PI4K2B: variants seen among roughly 807,000 people sequenced by gnomAD.
The protein encoded by PI4K2B is phosphatidylinositol 4-kinase type 2-beta.
Under a neutral mutation model 56.6 loss-of-function variants are expected in PI4K2B, and 46 were observed. That is an observed-to-expected ratio of 0.81 (90% CI 0.64 to 1.04). The LOEUF is 1.04. PI4K2B is among the 50% of genes least tolerant of loss of function. The pLI, the probability that PI4K2B is intolerant of heterozygous loss-of-function variation, is 0.00. For synonymous variants in PI4K2B, 211 were observed against 223.8 expected (o/e 0.94, Z 0.51); for missense variants, 556 against 607.7 (o/e 0.91, Z 0.89).
chr4:25,244,230 G>GC (rs150498723), intron 1 of PI4K2B, among the ~76,000 whole-genome samples: 4,780 of 152,210 alleles, frequency 0.031, 123 homozygotes, highest in African/African-American at 0.063. Flanking sequence ...ATAACCAATA[G>GC]CCCGGGGGTT....
At chr4:25,242,991 A>C (rs897776906) in intron 1 of PI4K2B, among the ~76,000 whole-genome samples, 16 of 152,228 alleles carry the variant, frequency 1.1e-4, no homozygotes, top group Non-Finnish European at 2.9e-5. Context: ...AAAAGAGCAA[A>C]GTCTCCCAAT....
intron 6 of PI4K2B, among the ~76,000 whole-genome samples, chr4:25,262,439 G>A (rs999368102): frequency 1.3e-5 from 2 of 152,210 alleles, no homozygotes; most frequent in African/African-American, 4.8e-5. Context: ...AAATTCTTTT[G>A]CTCTAAGTAT....
chr4:25,262,804 A>G (rs1386725569), intron 6 of PI4K2B, among the ~76,000 whole-genome samples: 1 of 152,218 alleles, frequency 6.6e-6, no homozygotes, highest in East Asian at 1.9e-4. Context: ...CCTTCCGCAG[A>G]AATACTCTTT....
chr4:25,243,075 G>A (rs1288806027), intron 1 of PI4K2B, among the ~76,000 whole-genome samples: 2 of 152,222 alleles, frequency 1.3e-5, no homozygotes, highest in Non-Finnish European at 2.9e-5. Context: ...TGGACCTTGA[G>A]GACAGTCGTC....
chr4:25,268,515 C>T lies in PI4K2B; in HGVS notation c.1151C>T (p.Pro384Leu). Residue 384 changes from proline (P) to leucine (L), a missense_variant, in exon 8 of 10, where the codon CCA (proline) becomes CTA (leucine). Pro to Leu is a moderately conservative substitution (Grantham distance 98). Coordinates refer to ENST00000264864, the MANE Select transcript of PI4K2B (RefSeq NM_018323.4). The part of the protein sequence containing the change: ...FSEEIRNLIL[P>L]YISDMNFVQD... The stretch of plus-strand genomic sequence containing the variant: ...GAAGAAATAAGAAATTTGATTCTAC[C>T]ATATATTTCTGACATGAACTTTGTG... 6.3e-7 allele frequency: 1 copy of T among 1,596,314 alleles called. No individual in the cohort carries two copies. The highest frequency in any genetic ancestry group is 8.6e-7 in the Non-Finnish European group (1 of 1,167,380).
At chr4:25,274,726 A>G (rs1286839411) in intron 9 of PI4K2B, among the ~76,000 whole-genome samples, 2 of 152,202 alleles carry the variant, frequency 1.3e-5, no homozygotes, top group Admixed American at 6.5e-5. Flanking sequence ...GGTTAATTTC[A>G]GGATTTAATA....
chr4:25,266,425 T>G (rs534712543), intron 7 of PI4K2B, among the ~76,000 whole-genome samples: 1 of 152,382 alleles, frequency 6.6e-6, no homozygotes, highest in African/African-American at 2.4e-5. Flanking sequence ...CTGAGTCTTT[T>G]AATAGGTGCA....
intron 1 of PI4K2B, among the ~76,000 whole-genome samples, chr4:25,235,039 CT>C (rs1166795681): frequency 1.3e-5 from 2 of 152,328 alleles, no homozygotes; most frequent in East Asian, 3.9e-4. Flanking sequence ...CCTCTTTTCG[CT>C]ATTAAGCGGA....
intron 6 of PI4K2B, among the ~76,000 whole-genome samples, chr4:25,260,802 T>C (rs67673737): frequency 0.1 from 15,203 of 150,116 alleles, 1,109 homozygotes; most frequent in African/African-American, 0.21. Flanking sequence ...TTTTTAAATC[T>C]ACTGTCTCTG....
chr4:25,258,167 A>T (rs1435442966), intron 4 of PI4K2B, among the ~76,000 whole-genome samples: 1 of 151,666 alleles, frequency 6.6e-6, no homozygotes, highest in Non-Finnish European at 1.5e-5. Flanking sequence ...TTTGTTCTTT[A>T]AAATTTAAGA....
chr4:25,275,966 T>TCAAC (rs1454505962), intron 9 of PI4K2B, among the ~76,000 whole-genome samples: 3 of 152,118 alleles, frequency 2.0e-5, no homozygotes, highest in Non-Finnish European at 4.4e-5. Context: ...AATCAATCAA[T>TCAAC]CAACCAACCA....
At chr4:25,243,782 A>G (rs1394396396) in intron 1 of PI4K2B, among the ~76,000 whole-genome samples, 1 of 152,192 alleles carries the variant, frequency 6.6e-6, no homozygotes. Context: ...TGAATAATTC[A>G]TGGGCTTTTT....
At chr4:25,235,880 AT>A (rs1262909789) in intron 1 of PI4K2B, among the ~76,000 whole-genome samples, 3 of 152,138 alleles carry the variant, frequency 2.0e-5, no homozygotes, top group Non-Finnish European at 4.4e-5. Context: ...GGTCAACGAG[AT>A]GGCAGGCCTG....
chr4:25,270,828 T>C (rs994251659), intron 9 of PI4K2B, among the ~76,000 whole-genome samples: 1 of 152,200 alleles, frequency 6.6e-6, no homozygotes, highest in African/African-American at 2.4e-5. Flanking sequence ...CTGTAAACAT[T>C]GTCTTTTAGC....
intron 6 of PI4K2B, among the ~76,000 whole-genome samples, 179 bp from the exon 7 acceptor site, chr4:25,263,571 G>GT (rs1029529194): frequency 3.9e-5 from 6 of 151,994 alleles, no homozygotes; most frequent in African/African-American, 1.4e-4. Context: ...GAAATACACT[G>GT]TTTTTTCAGA....
At chr4:25,249,744 C>T (rs1363952532) in intron 1 of PI4K2B, among the ~76,000 whole-genome samples, 5 of 151,644 alleles carry the variant, frequency 3.3e-5, no homozygotes, top group East Asian at 1.9e-4. Flanking sequence ...GACGGGGCGG[C>T]GGGGCAGAGG....
chr4:25,239,314 C>T (rs964009576), intron 1 of PI4K2B, among the ~76,000 whole-genome samples: 16 of 152,110 alleles, frequency 1.1e-4, no homozygotes, highest in African/African-American at 2.9e-4. Flanking sequence ...TGGGGAGGCT[C>T]GGGCTGTGCA....
intron 6 of PI4K2B, among the ~76,000 whole-genome samples, chr4:25,261,173 G>A (rs1203254756): frequency 6.6e-6 from 1 of 152,018 alleles, no homozygotes; most frequent in African/African-American, 2.4e-5. Context: ...TGTTCACCAT[G>A]TTTGTATTTT....
At chr4:25,276,982 T>A (rs1481908461) in intron 9 of PI4K2B, 32 bp from the exon 10 acceptor site, 1 of 1,482,480 alleles carries the variant, frequency 6.7e-7, no homozygotes, top group Admixed American at 2.1e-5. Flanking sequence ...TTTATCTTTT[T>A]AAATTGGTAA....
Sources: gnomAD v4.1 joint callset for allele counts (sites outside exome capture counted in the v4.1 genomes callset) on GRCh38, gnomAD v4.1.1 for gene constraint, MANE v1.5 for transcripts, NCBI Gene and HGNC (gene_info 2026-07-23, HGNC 2026-07-21) for gene names.